SZT2: variants seen among roughly 807,000 people sequenced by gnomAD.
The protein encoded by SZT2 is SZT2 subunit of KICSTOR complex, also known as KICSTOR complex protein SZT2.
SZT2 carries 216 observed loss-of-function variants against 404.2 expected under a neutral mutation model. That is an observed-to-expected ratio of 0.53 (90% CI 0.48 to 0.60). SZT2 has a LOEUF of 0.60. Among genes scored for constraint, SZT2 ranks in the 20% least tolerant of loss-of-function variants. The pLI, the probability that SZT2 is intolerant of heterozygous loss-of-function variation, is 0.00. For synonymous variants in SZT2, 1,693 were observed against 1,749.9 expected, an observed-to-expected ratio of 0.97 and a Z score of 0.81; for missense variants, 3,857 against 4,459.2, an observed-to-expected ratio of 0.86 and a Z score of 3.85.
chr1:43,450,712 G>A lies in SZT2; in HGVS notation c.*232G>A. On this transcript the variant is annotated 3_prime_UTR_variant, in exon 72 of 72. Transcript: ENST00000634258. This position sits in a 1 kb window ranked among gnomAD's most constrained non-coding sequence, Gnocchi z 4.3. ...ACCCATCCAGGACTCCAGAGAGTCA[G>A]GTCAACCCCGAGGACCCCTTGGGCC... is the stretch of plus-strand genomic sequence containing the variant. 1.4e-6 allele frequency: 1 copy of A among 719,280 alleles called. No individual in the cohort carries two copies. Among genetic ancestry groups the A allele is most frequent in the South Asian group, 1.7e-5 (1 of 60,012 alleles). The allele number at this position is 719,280 out of a possible 1,614,324, so 44.6% of individuals were successfully genotyped here.
intron 4 of SZT2, chr1:43,406,396 C>T (rs839769): frequency 0.32 from 53,926 of 168,260 alleles, 9,758 homozygotes; most frequent in Middle Eastern, 0.43. Context: ...CTGTGCCTGG[C>T]CCAAAGCAGC....
intron 5 of SZT2, among the ~76,000 whole-genome samples, chr1:43,415,755 A>G (rs1190169150): frequency 1.3e-5 from 2 of 152,176 alleles, no homozygotes; most frequent in Non-Finnish European, 2.9e-5. Context: ...CTGATGCCGA[A>G]CTCCCTTCAC....
intron 28 of SZT2, 31 bp downstream of exon 28, chr1:43,428,517 G>T (rs1259190922): frequency 6.2e-7 from 1 of 1,604,008 alleles, no homozygotes; most frequent in South Asian, 1.1e-5. Flanking sequence ...ATGGATAAGG[G>T]GGTACACAGA....
rs147753139 is a variant in SZT2 at position 43,432,591 on chromosome 1, C to T, written c.5517C>T (p.Arg1839=). The change falls in exon 38 of 72, where the codon CGC becomes CGT. Residue 1839 remains arginine, a synonymous_variant. Coordinates refer to ENST00000634258, the MANE Select transcript of SZT2 (RefSeq NM_001365999.1). The part of the protein sequence containing the change: ...SEGVPLISLP[R]VPQGGSQPGP... ...GTGTCCCCCTCATCAGCCTGCCCCG[C>T]GTGCCACAGGGAGGTAAGAGAGGAC... 2,156 of 1,613,654 alleles carry T rather than the reference C, an allele frequency of 1.3e-3. 23 individuals are homozygous for T. The African/African-American group carries it at 0.024, about 18-fold the overall frequency.
chr1:43,437,446 G>T lies in SZT2; in HGVS notation c.6228G>T (p.Val2076=), dbSNP rs1158046148. The change falls in exon 44 of 72, where the codon GTG becomes GTT. Residue 2076 remains valine (V), a synonymous_variant. Coordinates refer to ENST00000634258, the MANE Select transcript of SZT2 (RefSeq NM_001365999.1). This position sits in a 1 kb window ranked among gnomAD's most constrained non-coding sequence, Gnocchi z 5.3. ...GCTCTGTGCTCAATGCCTTCTCTGT[G>T]GTGAACCGGAAAAACATGTTTGTTT... ...ALRSVLNAFS[V]VNRKNMFVYQ... 6.2e-7 allele frequency: 1 copy of T among 1,614,152 alleles called. No individual in the cohort carries two copies. The highest frequency in any genetic ancestry group is 8.5e-7 in the Non-Finnish European group (1 of 1,180,022).
chr1:43,451,584 G>A lies in SZT2; in HGVS notation c.*1104G>A, dbSNP rs376136744. The A allele has an allele frequency of 2.5e-6, 4 of 1,613,398 alleles. No homozygotes were observed. The African/African-American group carries it at 4.0e-5, about 16-fold the overall frequency. On this transcript the variant is annotated 3_prime_UTR_variant, in exon 72 of 72. Transcript: ENST00000634258. ...GGACAAATGTGGGGTCCAGGCTCCT[G>A]CCAGGGCCTGAAGGACAGATGTGGG...
At position 43,453,671 on chromosome 1, in the gene SZT2, G is replaced by A. The variant is rs1656713256; in HGVS notation, c.*3191G>A. 2.7e-6 allele frequency: 4 copies of A among 1,480,176 alleles called. No homozygotes were observed. The highest frequency in any genetic ancestry group is 2.7e-6 in the Non-Finnish European group (3 of 1,123,746). 91.7% of individuals were successfully genotyped at this position (1,480,176 alleles called of 1,614,324 possible). Reference sequence around the variant, plus strand: ...GCGCCAGCGCCTCAGGCGTCTCCGCGTACGGCCAGGCCACCTCGACGGCCT... The same window carrying A: ...GCGCCAGCGCCTCAGGCGTCTCCGCATACGGCCAGGCCACCTCGACGGCCT... On this transcript the variant is annotated 3_prime_UTR_variant, in exon 72 of 72. Coordinates refer to ENST00000634258, the MANE Select transcript of SZT2 (RefSeq NM_001365999.1).
At chr1:43,430,847 G>C in intron 32 of SZT2, 58 bp downstream of exon 32, 1 of 1,583,036 alleles carries the variant, frequency 6.3e-7, no homozygotes, top group Non-Finnish European at 8.6e-7. Context: ...TGCCTAAGTG[G>C]GAGTGGAGGG....
Position 43,448,401 on chromosome 1 carries a change from G to T in SZT2, c.9886G>T (p.Gly3296Trp). 2 of 1,578,828 alleles carry T rather than the reference G, an allele frequency of 1.3e-6. No individual in the cohort carries two copies. The highest frequency in any genetic ancestry group is 8.6e-7 in the Non-Finnish European group (1 of 1,162,540). Reference protein sequence around the residue: ...EPPGPDRLRLGGRLALAELEE... With the variant: ...EPPGPDRLRLWGRLALAELEE... ...ACCGGGGCCTGATCGACTGCGGCTAGGGGGGCGCCTGGCCCTGGCAGAGCT... is the reference window on the plus strand; with the variant it reads ...ACCGGGGCCTGATCGACTGCGGCTATGGGGGCGCCTGGCCCTGGCAGAGCT... The change falls in exon 69 of 72, where the codon GGG (glycine) becomes TGG (tryptophan). Residue 3296 changes from glycine to tryptophan, a missense_variant. Around this residue, in one of 7 missense-constraint regions of SZT2, gnomAD observed 717 missense variants for 868.2 expected, o/e 0.83. Coordinates refer to ENST00000634258, the MANE Select transcript of SZT2 (RefSeq NM_001365999.1). This position sits in a 1 kb window ranked among gnomAD's most constrained non-coding sequence, Gnocchi z 4.2.
chr1:43,424,737 T>G lies in SZT2; in HGVS notation c.2472-47T>G. Reference sequence around the variant, plus strand: ...GGGGAGAGCTTGTAGTCTCAGTGTCTCTTCTTCCCTTATCCTGGCCTTGCC... The same window carrying G: ...GGGGAGAGCTTGTAGTCTCAGTGTCGCTTCTTCCCTTATCCTGGCCTTGCC... On this transcript the variant is annotated intron_variant, in intron 16 of 71. Transcript: ENST00000634258. This position sits in a 1 kb window ranked among gnomAD's most constrained non-coding sequence, Gnocchi z 4.1. 1 of 1,532,478 alleles carries G rather than the reference T, an allele frequency of 6.5e-7. No homozygotes were observed. The highest frequency in any genetic ancestry group is 9.0e-7 in the Non-Finnish European group (1 of 1,107,518). The allele number at this position is 1,532,478 out of a possible 1,614,324, so 94.9% of individuals were successfully genotyped here.
At position 43,400,079 on chromosome 1, in the gene SZT2, C is replaced by T. The variant is rs534352410; in HGVS notation, c.28-3098C>T. On this transcript the variant is annotated intron_variant, in intron 1 of 71. Coordinates refer to ENST00000634258, the MANE Select transcript of SZT2 (RefSeq NM_001365999.1). ...TCAATCTCCCAAGTAGCTAGGACTACAGGTGCTCACCACCATGCCGAGCTA... is the reference window on the plus strand; with the variant it reads ...TCAATCTCCCAAGTAGCTAGGACTATAGGTGCTCACCACCATGCCGAGCTA... Among the ~76,000 whole-genome samples the T allele has an allele frequency of 3.9e-5, 6 of 152,176 alleles. No individual in the cohort carries two copies. The East Asian group carries it at 9.7e-4, about 25-fold the overall frequency.
intron 1 of SZT2, among the ~76,000 whole-genome samples, 192 bp downstream of exon 1, chr1:43,390,187 T>G (rs992038300): frequency 2.0e-5 from 3 of 152,222 alleles, no homozygotes; most frequent in Admixed American, 6.5e-5. Context: ...CGCAGTTTCC[T>G]CGGGGAGCTA....
chr1:43,442,831 T>C lies in SZT2; in HGVS notation c.8164T>C (p.Phe2722Leu). ...PVRDEKEPNP[F>L]LLPTMEVETL... ...CTCCATCTCTCAGGAGCCAAACCCA[T>C]TCCTGCTGCCGACCATGGAAGTGGA... Residue 2722 changes from phenylalanine to leucine, a missense_variant, in exon 59 of 72, where the codon TTC becomes CTC. Transcript: ENST00000634258. This position sits in a 1 kb window ranked among gnomAD's most constrained non-coding sequence, Gnocchi z 4.5. The C allele has an allele frequency of 6.2e-7, 1 of 1,604,614 alleles. No homozygotes were observed. Among genetic ancestry groups the C allele is most frequent in the Non-Finnish European group, 8.5e-7 (1 of 1,174,668 alleles).
In SZT2 at chr1:43,439,622, C is replaced by G. The variant is rs762982299; in HGVS notation, c.6895C>G (p.Leu2299Val). The change falls in exon 50 of 72, where the codon CTA becomes GTA. Residue 2299 changes from leucine (L) to valine (V), a missense_variant. Physicochemically the swap from Leu to Val is conservative, Grantham distance 32. Coordinates refer to ENST00000634258, the MANE Select transcript of SZT2 (RefSeq NM_001365999.1). The surrounding 1 kb of genome is among the most constrained non-coding windows in gnomAD (Gnocchi z 4.2). ...CTACCCAGGGGTTGCCTGCATCACT[C>G]TAGCCTTTGTGGATGAAGGAGGGGC... ...TGGKGVACIT[L>V]AFVDEGGAPL... The G allele has an allele frequency of 2.5e-6, 4 of 1,613,986 alleles. No individual in the cohort carries two copies. Among genetic ancestry groups the G allele is most frequent in the Admixed American group, 3.3e-5 (2 of 60,000 alleles).
In SZT2 at chr1:43,442,142, G is replaced by A; in HGVS notation, c.7873+12G>A. 2.0e-6 allele frequency: 2 copies of A among 1,007,310 alleles called. No individual in the cohort carries two copies. Among genetic ancestry groups the A allele is most frequent in the Non-Finnish European group, 2.9e-6 (2 of 693,170 alleles). 62.4% of individuals were successfully genotyped at this position (1,007,310 alleles called of 1,614,324 possible). ...ACCAACACAGCAGGGTGAGGGCATG[G>A]CCCGGGGGGGCGGGGGGCGGGTAGG... On this transcript the variant is annotated intron_variant, in intron 56 of 71. Transcript: ENST00000634258. The surrounding 1 kb of genome is among the most constrained non-coding windows in gnomAD (Gnocchi z 4.5).
Position 43,433,240 on chromosome 1 carries a change from C to T in SZT2, c.5804+50C>T, listed in dbSNP as rs767764759. ...CCTCATGCTCCCATTAACCTCTTCT[C>T]TCTGCTCCCACAGTACCTCTCTCCA... On this transcript the variant is annotated intron_variant, in intron 40 of 71. Coordinates refer to ENST00000634258, the MANE Select transcript of SZT2 (RefSeq NM_001365999.1). 4.4e-6 allele frequency: 7 copies of T among 1,582,304 alleles called. No individual in the cohort carries two copies. In the African/African-American group the frequency reaches 8.1e-5, roughly 18 times the overall value.
In SZT2 at chr1:43,445,955, C is replaced by G. The variant is rs1262702763; in HGVS notation, c.8887C>G (p.Pro2963Ala). 1 of 1,614,216 alleles carries G rather than the reference C, an allele frequency of 6.2e-7. No homozygotes were observed. Among genetic ancestry groups the G allele is most frequent in the South Asian group, 1.1e-5 (1 of 91,084 alleles). The change falls in exon 63 of 72, where the codon CCT becomes GCT. Residue 2963 changes from proline to alanine, a missense_variant. Pro to Ala is a conservative substitution (Grantham distance 27). Coordinates refer to ENST00000634258, the MANE Select transcript of SZT2 (RefSeq NM_001365999.1). ...AGAGGGTCGAGGCTCCTTCTCCTGC[C>G]CTAAAACCAAGACTGATGGGAGCCC... ...GTEGRGSFSC[P>A]KTKTDGSPKS...
rs1353136136 is a variant in SZT2, at chr1:43,440,436, A to T, written c.7211-17A>T. On this transcript the variant is annotated splice_polypyrimidine_tract_variant and intron_variant, in intron 51 of 71. Coordinates refer to ENST00000634258, the MANE Select transcript of SZT2 (RefSeq NM_001365999.1). ...TGATGATCAGTGATGGGTGTCTGTA[A>T]TGTCTGATGTCCACAGGAAGTCTCA... 6.4e-7 allele frequency: 1 copy of T among 1,568,268 alleles called. No homozygotes were observed. The highest frequency in any genetic ancestry group is 1.4e-5 in the African/African-American group (1 of 72,930).
In SZT2 at chr1:43,422,519, G is replaced by C. The variant is rs773246841; in HGVS notation, c.1809G>C (p.Gly603=). Residue 603 remains glycine, a synonymous_variant, in exon 13 of 72, where the codon GGG becomes GGC. Coordinates refer to ENST00000634258, the MANE Select transcript of SZT2 (RefSeq NM_001365999.1). ...PKHLHTPGSN[G]RYSTIQCRIS... is the part of the protein sequence containing the mutation. ...ACTTGCACACCCCGGGCAGCAATGGGCGCTACAGCACTATCCAGTGCAGGA... is the reference window on the plus strand; with the variant it reads ...ACTTGCACACCCCGGGCAGCAATGGCCGCTACAGCACTATCCAGTGCAGGA... 1.3e-6 allele frequency: 2 copies of C among 1,597,072 alleles called. No homozygotes were observed. The highest frequency in any genetic ancestry group is 1.7e-6 in the Non-Finnish European group (2 of 1,179,134).
Sources: gnomAD v4.1 joint callset for allele counts (sites outside exome capture counted in the v4.1 genomes callset) on GRCh38, gnomAD v4.1.1 for gene constraint, gnomAD v4.1.1 regional missense constraint, Gnocchi (gnomAD v3.1) non-coding constraint, MANE v1.5 for transcripts, NCBI Gene and HGNC (gene_info 2026-07-23, HGNC 2026-07-21) for gene names.